VLDLR: variants seen among roughly 807,000 people sequenced by gnomAD.
VLDLR encodes the protein very low density lipoprotein receptor.
A neutral mutation model predicts 112.7 loss-of-function variants in VLDLR; 81 were observed. The observed-to-expected ratio is 0.72, with a 90% CI of 0.60 to 0.86. The LOEUF (loss-of-function observed/expected upper bound fraction) is 0.86, where lower values mean the gene tolerates loss of function less well. VLDLR is among the 40% of genes least tolerant of loss of function. The pLI, the probability that VLDLR is intolerant of heterozygous loss-of-function variation, is 0.00. For missense variants in VLDLR, 1,237 were observed against 1,099.4 expected (o/e 1.13, Z -1.77); for synonymous variants, 436 against 384.8 (o/e 1.13, Z -1.56).
rs1274019927 is a variant in VLDLR at position 2,647,591 on chromosome 9, T to A, written c.1821T>A (p.Leu607=). The A allele has an allele frequency of 6.2e-7, 1 of 1,611,086 alleles. No individual in the cohort carries two copies. Among genetic ancestry groups the A allele is most frequent in the African/African-American group, 1.3e-5 (1 of 74,850 alleles). The change falls in exon 12 of 19, where the codon CTT becomes CTA. Residue 607 remains leucine (L), a splice_region_variant and synonymous_variant. Coordinates refer to ENST00000382100, the MANE Select transcript of VLDLR (RefSeq NM_003383.5). ...ADIQWPNGIT[L]DLIKSRLYWL... ...TCCAGTGGCCTAACGGAATTACACT[T>A]GGTATGTATGTTCTTCCTTCTCGAC...
rs140112860 is a variant in VLDLR, at chr9:2,646,841, T to C, written c.1703+289T>C. On this transcript the variant is annotated intron_variant, in intron 11 of 18. Coordinates refer to ENST00000382100, the MANE Select transcript of VLDLR (RefSeq NM_003383.5). ...TACCAAAAGCTGTATCTGAACCCTT[T>C]TGTCCACCCAGTTTCTACGCAAGTG... 3.3e-5 allele frequency among the ~76,000 whole-genome samples: 5 copies of C among 152,296 alleles called. No individual in the cohort carries two copies. The East Asian group carries it at 9.6e-4, about 29-fold the overall frequency.
chr9:2,652,002 A>C, intron 17 of VLDLR, 48 bp downstream of exon 17: 1 of 1,587,092 alleles, frequency 6.3e-7, no homozygotes, highest in African/African-American at 1.3e-5. Context: ...CTTAGATACC[A>C]GATGAAGATT....
In VLDLR at chr9:2,648,258, T is replaced by C; in HGVS notation, c.1873T>C (p.Ser625Pro). 6.2e-7 allele frequency: 1 copy of C among 1,614,222 alleles called. No homozygotes were observed. The highest frequency in any genetic ancestry group is 8.5e-7 in the Non-Finnish European group (1 of 1,180,028). ...GCTTGATTCTAAGTTGCACATGTTA[T>C]CCAGCGTGGACTTGAATGGCCAAGA... ...YWLDSKLHML[S>P]SVDLNGQDRR... Residue 625 changes from serine to proline, a missense_variant, in exon 13 of 19, where the codon TCC becomes CCC. Transcript: ENST00000382100.
intron 3 of VLDLR, 37 bp from the exon 4 acceptor site, chr9:2,641,340 G>C: frequency 6.2e-7 from 1 of 1,613,518 alleles, no homozygotes; most frequent in Non-Finnish European, 8.5e-7. Context: ...GCATTGATCA[G>C]TTCTGAGGCT....
chr9:2,627,649 G>C (rs1339912242), intron 1 of VLDLR, among the ~76,000 whole-genome samples: 1 of 152,052 alleles, frequency 6.6e-6, no homozygotes, highest in Non-Finnish European at 1.5e-5. Context: ...CAGATCACGA[G>C]GTCAGGAGTT....
intron 17 of VLDLR, 131 bp downstream of exon 17, chr9:2,652,085 G>A (rs1025939320): frequency 2.2e-5 from 18 of 829,162 alleles, no homozygotes; most frequent in South Asian, 5.9e-5. Context: ...AATTACGTTC[G>A]CTTTCTCCCC....
chr9:2,650,453 C>T lies in VLDLR; in HGVS notation c.2188C>T (p.Pro730Ser), dbSNP rs145470335. The change falls in exon 15 of 19, where the codon CCA becomes TCA. Residue 730 changes from proline to serine, a missense_variant. By Grantham distance (74) the Pro-to-Ser change is moderately conservative. Transcript: ENST00000382100. ...LPAPQINDHS[P>S]KYTCSCPSGY... ...AGCACCACAGATTAATGATCACTCT[C>T]CAAAATATACCTGTTCCTGTCCCAG... 6.2e-7 allele frequency: 1 copy of T among 1,613,924 alleles called. No individual in the cohort carries two copies. Among genetic ancestry groups the T allele is most frequent in the Non-Finnish European group, 8.5e-7 (1 of 1,180,024 alleles).
intron 17 of VLDLR, 152 bp downstream of exon 17, chr9:2,652,106 ACTAAATTAAGGCCCATAT>A: frequency 1.4e-6 from 1 of 727,058 alleles, no homozygotes; most frequent in Non-Finnish European, 2.4e-6. Context: ...CACATAATAC[ACTAAATTAAGGCCCATAT>A]CTTTCTCTTC....
At chr9:2,643,043 A>G in intron 4 of VLDLR, 117 bp from the exon 5 acceptor site, 1 of 1,495,760 alleles carries the variant, frequency 6.7e-7, no homozygotes, top group East Asian at 2.3e-5. Context: ...GTAGCCTTTA[A>G]GTTGGGCTAG....
In VLDLR at chr9:2,645,684, G is replaced by A. The variant is rs1818038898; in HGVS notation, c.1423G>A (p.Asp475Asn). Reference sequence around the variant, plus strand: ...ACAGCTAAGAAACACTGTGGCTCTCGATGCTGACATTGCTGCCCAGAAACT... The same window carrying A: ...ACAGCTAAGAAACACTGTGGCTCTCAATGCTGACATTGCTGCCCAGAAACT... Reference protein sequence around the residue: ...VEQLRNTVALDADIAAQKLFW... With the variant: ...VEQLRNTVALNADIAAQKLFW... The change falls in exon 10 of 19, where the codon GAT (aspartate) becomes AAT (asparagine). Residue 475 changes from aspartate to asparagine, a missense_variant. By Grantham distance (23) the Asp-to-Asn change is conservative. Transcript: ENST00000382100. 4.3e-6 allele frequency: 7 copies of A among 1,614,178 alleles called. No homozygotes were observed. Among genetic ancestry groups the A allele is most frequent in the Non-Finnish European group, 5.1e-6 (6 of 1,180,028 alleles).
chr9:2,626,115 G>C (rs984521826), intron 1 of VLDLR, among the ~76,000 whole-genome samples: 5 of 152,238 alleles, frequency 3.3e-5, no homozygotes, highest in African/African-American at 1.2e-4. Context: ...CACAGGTTAA[G>C]TGTCCTTTAT....
intron 1 of VLDLR, among the ~76,000 whole-genome samples, chr9:2,630,110 A>G (rs1347788099): frequency 2.6e-5 from 4 of 152,090 alleles, no homozygotes; most frequent in Non-Finnish European, 5.9e-5. Context: ...GGTTCTTACA[A>G]TGTTTCAGAG....
chr9:2,635,333 A>T (rs1218169120), intron 1 of VLDLR, 120 bp from the exon 2 acceptor site: 1 of 1,497,574 alleles, frequency 6.7e-7, no homozygotes, highest in Non-Finnish European at 9.2e-7. Flanking sequence ...TCTGGCCCTT[A>T]GGATGTCATA....
chr9:2,639,919 G>T lies in VLDLR; in HGVS notation c.263G>T (p.Arg88Leu), dbSNP rs557461624. 6.2e-7 allele frequency: 1 copy of T among 1,614,204 alleles called. No homozygotes were observed. Among genetic ancestry groups the T allele is most frequent in the East Asian group, 2.2e-5 (1 of 44,882 alleles). The change falls in exon 3 of 19, where the codon CGA (arginine) becomes CTA (leucine). Residue 88 changes from arginine (R) to leucine (L), a missense_variant. Coordinates refer to ENST00000382100, the MANE Select transcript of VLDLR (RefSeq NM_003383.5). ...AACAATGGCCAGTGTGTTCCCAGCC[G>T]ATGGAAGTGTGATGGAGATCCTGAC... ...VCNNGQCVPSRWKCDGDPDCE... is the reference protein window; with the variant it reads ...VCNNGQCVPSLWKCDGDPDCE...
Position 2,654,551 on chromosome 9 carries a change from G to A in VLDLR, c.*683G>A, listed in dbSNP as rs1818514667. ...AGTACCAAGTGTTCTAACTAAATGT[G>A]TGAGCTGTAGTTCTTGATGTTGTAT... On this transcript the variant is annotated 3_prime_UTR_variant, in exon 19 of 19. Transcript: ENST00000382100. The A allele has an allele frequency of 1.3e-5, 2 of 153,454 alleles. No individual in the cohort carries two copies. The highest frequency in any genetic ancestry group is 2.9e-5 in the Non-Finnish European group (2 of 68,790). 9.5% of individuals were successfully genotyped at this position (153,454 alleles called of 1,614,324 possible). A position where few individuals can be genotyped will look rare whatever the true frequency, so the allele number is the denominator to read the frequency against.
At chr9:2,635,606 T>G in intron 2 of VLDLR, 34 bp downstream of exon 2, 1 of 1,613,718 alleles carries the variant, frequency 6.2e-7, no homozygotes, top group South Asian at 1.1e-5. Flanking sequence ...ATGCATTTTG[T>G]TAAAATATGA....
intron 1 of VLDLR, 70 bp downstream of exon 1, chr9:2,622,341 G>T: frequency 7.4e-7 from 1 of 1,345,422 alleles, no homozygotes; most frequent in Non-Finnish European, 9.6e-7. Flanking sequence ...CCGAGGCGTA[G>T]GTCTCCGTTT....
At chr9:2,623,063 G>A (rs1327555742) in intron 1 of VLDLR, among the ~76,000 whole-genome samples, 3 of 152,222 alleles carry the variant, frequency 2.0e-5, no homozygotes, top group Non-Finnish European at 4.4e-5. Flanking sequence ...CCTCCTTCCC[G>A]GTGACGTTTC....
intron 1 of VLDLR, among the ~76,000 whole-genome samples, chr9:2,631,287 CA>C (rs940974675): frequency 9.2e-5 from 14 of 152,184 alleles, no homozygotes; most frequent in African/African-American, 3.1e-4. Flanking sequence ...CTGGAATTAA[CA>C]TTTGATCCAG....
Sources: gnomAD v4.1 joint callset for allele counts (sites outside exome capture counted in the v4.1 genomes callset) on GRCh38, gnomAD v4.1.1 for gene constraint, MANE v1.5 for transcripts, NCBI Gene and HGNC (gene_info 2026-07-23, HGNC 2026-07-21) for gene names.